The following DLG2 variants were observed in gnomAD, a reference collection of about 807,000 sequenced individuals.
DLG2 encodes disks large homolog 2.
DLG2 carries 45 observed loss-of-function variants against 132.5 expected under a neutral mutation model. That is an observed-to-expected ratio of 0.34 (90% CI 0.27 to 0.44). The LOEUF (loss-of-function observed/expected upper bound fraction) is 0.44, where lower values mean the gene tolerates loss of function less well. DLG2 is among the 20% of genes least tolerant of loss of function. The pLI, the probability that DLG2 is intolerant of heterozygous loss-of-function variation, is 1.00. For missense variants in DLG2, 1,045 were observed against 1,196.9 expected, an observed-to-expected ratio of 0.87 and a Z score of 1.87; for synonymous variants, 424 against 419.6, an observed-to-expected ratio of 1.01 and a Z score of -0.13.
At chr11:84,631,018 T>TCACA (rs372331224) in intron 6 of DLG2, among the ~76,000 whole-genome samples, 35 of 94,288 alleles carry the variant, frequency 3.7e-4, no homozygotes, top group African/African-American at 8.7e-4. Context: ...TCTCTCTCTC[T>TCACA]CACACACACA....
intron 3 of DLG2, among the ~76,000 whole-genome samples, chr11:85,572,703 T>C (rs2077914169): frequency 6.6e-6 from 1 of 152,178 alleles, no homozygotes; most frequent in South Asian, 2.1e-4. Flanking sequence ...CTGCACCCAT[T>C]TGAACCAAGT....
At chr11:84,608,933 G>A (rs1032749037) in intron 6 of DLG2, among the ~76,000 whole-genome samples, 2 of 152,188 alleles carry the variant, frequency 1.3e-5, no homozygotes, top group Non-Finnish European at 2.9e-5. Flanking sequence ...CAAATAGAAA[G>A]AGGGTCACAC....
At chr11:83,571,033 C>T (rs940275406) in intron 19 of DLG2, among the ~76,000 whole-genome samples, 3 of 152,050 alleles carry the variant, frequency 2.0e-5, no homozygotes, top group African/African-American at 7.2e-5. Context: ...CAGGCATGCA[C>T]CACCACGCCC....
chr11:84,469,497 T>A (rs1415290403), intron 7 of DLG2, among the ~76,000 whole-genome samples: 1 of 151,670 alleles, frequency 6.6e-6, no homozygotes, highest in East Asian at 1.9e-4. Context: ...GCTATTTCAG[T>A]AGCAACAAAT....
chr11:84,382,796 C>T (rs533337372), intron 7 of DLG2, among the ~76,000 whole-genome samples: 1 of 152,010 alleles, frequency 6.6e-6, no homozygotes, highest in African/African-American at 2.4e-5. Flanking sequence ...TCTCTCCTAC[C>T]ACTAATGCTA....
chr11:85,623,803 G>A (rs1221925972), intron 2 of DLG2, among the ~76,000 whole-genome samples: 3 of 152,138 alleles, frequency 2.0e-5, no homozygotes, highest in Non-Finnish European at 4.4e-5. Context: ...GGCAAATGAC[G>A]TACCTATCAT....
intron 4 of DLG2, among the ~76,000 whole-genome samples, chr11:85,264,767 G>A (rs1247852046): frequency 6.6e-6 from 1 of 152,146 alleles, no homozygotes; most frequent in Non-Finnish European, 1.5e-5. Context: ...TTTGCCCCCA[G>A]GGGTTTTTCG....
intron 17 of DLG2, among the ~76,000 whole-genome samples, chr11:83,805,214 A>G (rs2045592031): frequency 6.6e-6 from 1 of 152,128 alleles, no homozygotes. Context: ...AGTCAACTTT[A>G]ACCCCTAATT....
At chr11:83,744,034 G>A (rs116582365) in intron 18 of DLG2, among the ~76,000 whole-genome samples, 2,318 of 152,152 alleles carry the variant, frequency 0.015, 55 homozygotes, top group African/African-American at 0.052. Flanking sequence ...GGGTTTCCAC[G>A]GTTAGATGCC....
At chr11:83,986,147 G>T (rs1199832780) in intron 11 of DLG2, among the ~76,000 whole-genome samples, 1 of 151,464 alleles carries the variant, frequency 6.6e-6, no homozygotes, top group Admixed American at 6.6e-5. Flanking sequence ...CCATGTTGGT[G>T]TGCTGCACCC....
chr11:84,346,610 G>A (rs2098540290), intron 7 of DLG2, among the ~76,000 whole-genome samples: 1 of 152,186 alleles, frequency 6.6e-6, no homozygotes, highest in South Asian at 2.1e-4. Context: ...ATGGAGTCTT[G>A]CTGTGTCGGC....
chr11:85,409,958 C>T (rs1340650623), intron 3 of DLG2, among the ~76,000 whole-genome samples: 1 of 151,766 alleles, frequency 6.6e-6, no homozygotes, highest in African/African-American at 2.4e-5. Context: ...AGGATTTCAT[C>T]CTGGAGACAA....
chr11:83,893,780 C>T (rs1028993082), intron 15 of DLG2, among the ~76,000 whole-genome samples: 1 of 152,198 alleles, frequency 6.6e-6, no homozygotes, highest in African/African-American at 2.4e-5. Flanking sequence ...TTTCATATTA[C>T]TACTGCATGC....
At chr11:84,145,339 T>C (rs1052923402) in intron 9 of DLG2, among the ~76,000 whole-genome samples, 4 of 152,240 alleles carry the variant, frequency 2.6e-5, no homozygotes, top group South Asian at 2.1e-4. Context: ...ATAGATGGTA[T>C]AGCCTAGGCT....
Position 84,086,477 on chromosome 11 carries a change from C to G in DLG2, c.749+12446G>C, listed in dbSNP as rs565447392. On this transcript the variant is annotated intron_variant, in intron 10 of 27. Transcript: ENST00000376104. ...AACATTTTCTTTCTTTCTGTTTTTTCTTTTTCTTTCTTTCTTTTTTTTTTT... is the reference window on the plus strand; with the variant it reads ...AACATTTTCTTTCTTTCTGTTTTTTGTTTTTCTTTCTTTCTTTTTTTTTTT... Among the ~76,000 whole-genome samples, 156 of 137,186 alleles carry G rather than the reference C, an allele frequency of 1.1e-3. 5 individuals carry two copies. The South Asian group carries it at 0.036, about 31-fold the overall frequency. 90.0% of individuals were successfully genotyped at this position (137,186 alleles called of 152,430 possible).
At chr11:85,301,941 T>C (rs564110393) in intron 3 of DLG2, among the ~76,000 whole-genome samples, 15 of 152,234 alleles carry the variant, frequency 9.9e-5, no homozygotes, top group Non-Finnish European at 1.3e-4. Flanking sequence ...ATGGCTATTC[T>C]CTCTGTGTTA....
intron 3 of DLG2, among the ~76,000 whole-genome samples, chr11:85,312,515 A>G (rs112492021): frequency 0.036 from 5,494 of 151,852 alleles, 137 homozygotes; most frequent in Middle Eastern, 0.086. Context: ...GATAATGATC[A>G]TTGTTTTTAT....
intron 21 of DLG2, among the ~76,000 whole-genome samples, chr11:83,514,892 G>C (rs1344942269): frequency 6.6e-6 from 1 of 152,098 alleles, no homozygotes; most frequent in East Asian, 1.9e-4. Context: ...ACTTGACCGT[G>C]GATATGCTTT....
intron 6 of DLG2, among the ~76,000 whole-genome samples, chr11:84,865,880 A>G (rs913391295): frequency 3.9e-5 from 6 of 152,214 alleles, no homozygotes; most frequent in African/African-American, 1.4e-4. Flanking sequence ...GGTAAAAGAA[A>G]CAAACACATT....
Sources: allele counts gnomAD v4.1 joint callset (sites outside exome capture counted in the v4.1 genomes callset), GRCh38; gene constraint gnomAD v4.1.1; transcripts MANE v1.5; gene names NCBI Gene and HGNC (gene_info 2026-07-23, HGNC 2026-07-21).